Variants in MAP2K5 observed in about 807,000 individuals in gnomAD.
MAP2K5 encodes mitogen-activated protein kinase kinase 5.
Under a neutral mutation model 83.1 loss-of-function variants are expected in MAP2K5, and 49 were observed. That is an observed-to-expected ratio of 0.59 (90% CI 0.47 to 0.75). The LOEUF is 0.75. Among genes scored for constraint, MAP2K5 ranks in the 30% least tolerant of loss-of-function variants. MAP2K5 has a pLI of 0.00. For synonymous variants in MAP2K5, 202 were observed against 191.8 expected, an observed-to-expected ratio of 1.05 and a Z score of -0.44; for missense variants, 457 against 557.5, an observed-to-expected ratio of 0.82 and a Z score of 1.82.
At chr15:67,619,798 G>T (rs868320522) in intron 8 of MAP2K5, among the ~76,000 whole-genome samples, 3 of 151,876 alleles carry the variant, frequency 2.0e-5, no homozygotes, top group Non-Finnish European at 4.4e-5. Context: ...AGCCATGGCG[G>T]TACTCTCCTG....
intron 8 of MAP2K5, among the ~76,000 whole-genome samples, chr15:67,622,045 A>G (rs1322616660): frequency 6.6e-6 from 1 of 150,760 alleles, no homozygotes; most frequent in Admixed American, 6.6e-5. Flanking sequence ...TTAGCCGGGC[A>G]TGGTGGCACA....
intron 19 of MAP2K5, among the ~76,000 whole-genome samples, chr15:67,763,971 T>C (rs2089997984): frequency 1.3e-5 from 2 of 152,224 alleles, no homozygotes; most frequent in Non-Finnish European, 2.9e-5. Context: ...GATTTACTTT[T>C]AAATTATAGA....
At chr15:67,588,625 G>GTA (rs1433269226) in intron 6 of MAP2K5, among the ~76,000 whole-genome samples, 1 of 152,180 alleles carries the variant, frequency 6.6e-6, no homozygotes, top group Non-Finnish European at 1.5e-5. Flanking sequence ...ATGCATGAAT[G>GTA]TATGTATGAA....
At chr15:67,630,746 A>G in intron 8 of MAP2K5, 142 bp from the exon 9 acceptor site, 1 of 651,102 alleles carries the variant, frequency 1.5e-6, no homozygotes. Flanking sequence ...ATATAAATGT[A>G]AATTACTAAT....
At position 67,755,946 on chromosome 15, in the gene MAP2K5, A is replaced by G. The variant is rs909756710; in HGVS notation, c.1134+7345A>G. On this transcript the variant is annotated intron_variant, in intron 19 of 21. Transcript: ENST00000178640. The surrounding 1 kb of genome is among the most constrained non-coding windows in gnomAD (Gnocchi z 4.7). ...TCCTTGTCTTCTTGCTCATGACTCA[A>G]TTGTCCACCCTCTTTCCATTGTCCT... is the stretch of plus-strand genomic sequence containing the variant. 1.1e-4 allele frequency among the ~76,000 whole-genome samples: 16 copies of G among 152,180 alleles called. No individual in the cohort carries two copies. The highest frequency in any genetic ancestry group is 3.9e-4 in the African/African-American group (16 of 41,542).
At position 67,637,360 on chromosome 15, in the gene MAP2K5, G is replaced by A. The variant is rs1379823383; in HGVS notation, c.585+6433G>A. On this transcript the variant is annotated intron_variant, in intron 9 of 21. Transcript: ENST00000178640. This position sits in a 1 kb window ranked among gnomAD's most constrained non-coding sequence, Gnocchi z 4.5. ...GAATAATTTGATTCTTTCAAGGCTT[G>A]CTTTTAAGTTTTATTAGACAGTACC... Among the ~76,000 whole-genome samples, 3 of 152,132 alleles carry A rather than the reference G, an allele frequency of 2.0e-5. No individual in the cohort carries two copies. Among genetic ancestry groups the A allele is most frequent in the African/African-American group, 7.2e-5 (3 of 41,410 alleles).
At chr15:67,733,218 T>C (rs142777037) in intron 17 of MAP2K5, among the ~76,000 whole-genome samples, 2 of 152,244 alleles carry the variant, frequency 1.3e-5, no homozygotes, top group South Asian at 2.1e-4. Context: ...CTTGATCTGA[T>C]GTTTATACAA....
At chr15:67,584,672 CTTTTTTTTTTTTTT>C (rs36111747) in intron 4 of MAP2K5, among the ~76,000 whole-genome samples, 2 of 106,078 alleles carry the variant, frequency 1.9e-5, no homozygotes, top group South Asian at 3.0e-4. Context: ...ATATCTTCTC[CTTTTTTTTTTTTTT>C]TTTTTTTTTT....
intron 7 of MAP2K5, among the ~76,000 whole-genome samples, chr15:67,600,426 A>G (rs1408459791): frequency 6.6e-6 from 1 of 152,198 alleles, no homozygotes; most frequent in East Asian, 1.9e-4. Context: ...GCTATGTTGT[A>G]TCATTCCATT....
At chr15:67,669,730 T>C (rs190052144) in intron 13 of MAP2K5, among the ~76,000 whole-genome samples, 21 of 152,248 alleles carry the variant, frequency 1.4e-4, no homozygotes, top group Admixed American at 1.3e-3. Flanking sequence ...GTTGCTTAAA[T>C]TGTTAACAGT....
intron 3 of MAP2K5, among the ~76,000 whole-genome samples, chr15:67,574,092 G>C (rs751412812): frequency 3.3e-5 from 5 of 152,142 alleles, no homozygotes; most frequent in Non-Finnish European, 7.4e-5. Flanking sequence ...CGACATCCAA[G>C]AACCATCTCT....
chr15:67,608,691 C>G (rs2085836790), intron 8 of MAP2K5, among the ~76,000 whole-genome samples: 1 of 146,456 alleles, frequency 6.8e-6, no homozygotes, highest in South Asian at 2.1e-4. Flanking sequence ...TCCATGACAG[C>G]TGACTTAAAG....
Position 67,749,434 on chromosome 15 carries a change from T to C in MAP2K5, c.1134+833T>C, listed in dbSNP as rs1866317721. Among the ~76,000 whole-genome samples, 1 of 152,206 alleles carries C rather than the reference T, an allele frequency of 6.6e-6. No individual in the cohort carries two copies. The highest frequency in any genetic ancestry group is 2.1e-4 in the South Asian group (1 of 4,834). On this transcript the variant is annotated intron_variant, in intron 19 of 21. Coordinates refer to ENST00000178640, the MANE Select transcript of MAP2K5 (RefSeq NM_145160.3). The surrounding 1 kb of genome is among the most constrained non-coding windows in gnomAD (Gnocchi z 4.6). The stretch of plus-strand genomic sequence containing the variant: ...TTAATTTTATAATATTTAAAACAGT[T>C]GTAATTAGAGAGGGAAGGCAGTAAA...
intron 9 of MAP2K5, among the ~76,000 whole-genome samples, chr15:67,633,241 A>G (rs948320685): frequency 1.3e-5 from 2 of 152,208 alleles, no homozygotes; most frequent in African/African-American, 4.8e-5. Flanking sequence ...AAACTTGAGC[A>G]CTATTTTCCC....
rs772116049 is a variant in MAP2K5 at position 67,586,855 on chromosome 15, C to T, written c.373C>T (p.Arg125Trp). The change falls in exon 6 of 22, where the codon CGG (arginine) becomes TGG (tryptophan). Residue 125 changes from arginine to tryptophan, a missense_variant. Physicochemically the swap from Arg to Trp is moderately radical, Grantham distance 101 (BLOSUM62 -3). Around this residue, in one of 3 missense-constraint regions of MAP2K5, gnomAD observed 234 missense variants for 243.6 expected, o/e 0.96. Transcript: ENST00000178640. ...RNIHGLKVNT[R>W]AGPSQHSSPA... ...CTTTCTTTACTTATAGGTGAATACTCGGGCCGGACCCTCTCAACACAGCAG... is the reference window on the plus strand; with the variant it reads ...CTTTCTTTACTTATAGGTGAATACTTGGGCCGGACCCTCTCAACACAGCAG... The T allele has an allele frequency of 3.6e-5, 58 of 1,614,036 alleles. No homozygotes were observed. Among genetic ancestry groups the T allele is most frequent in the Non-Finnish European group, 4.1e-5 (48 of 1,179,962 alleles).
chr15:67,583,083 G>T (rs1237646052), intron 4 of MAP2K5, among the ~76,000 whole-genome samples: 3 of 152,126 alleles, frequency 2.0e-5, no homozygotes, highest in Non-Finnish European at 4.4e-5. Context: ...CCTCCTGATA[G>T]TTCTGCCTAT....
intron 21 of MAP2K5, among the ~76,000 whole-genome samples, chr15:67,799,215 T>C (rs1456987691): frequency 6.6e-6 from 1 of 152,250 alleles, no homozygotes; most frequent in Non-Finnish European, 1.5e-5. Flanking sequence ...CAAGAAAGCA[T>C]GTTCTCAGAA....
chr15:67,689,264 A>G (rs1222307696), intron 13 of MAP2K5, among the ~76,000 whole-genome samples: 1 of 152,162 alleles, frequency 6.6e-6, no homozygotes, highest in Non-Finnish European at 1.5e-5. Context: ...TACATAAATC[A>G]TATGCTTTGT....
intron 6 of MAP2K5, among the ~76,000 whole-genome samples, chr15:67,589,769 ATG>A (rs1567293963): frequency 2.5e-5 from 3 of 121,878 alleles, no homozygotes; most frequent in Non-Finnish European, 3.5e-5. Flanking sequence ...CCAGAAAAAA[ATG>A]TGTGTGTGTG....
Sources: allele counts gnomAD v4.1 joint callset (sites outside exome capture counted in the v4.1 genomes callset), GRCh38; gene constraint gnomAD v4.1.1; regional missense constraint gnomAD v4.1.1; non-coding constraint Gnocchi (gnomAD v3.1); transcripts MANE v1.5; gene names NCBI Gene and HGNC (gene_info 2026-07-23, HGNC 2026-07-21).